ENPP3: variants seen among roughly 807,000 people sequenced by gnomAD.
ENPP3 encodes the protein ectonucleotide pyrophosphatase/phosphodiesterase family member 3.
Under a neutral mutation model 117.8 loss-of-function variants are expected in ENPP3, and 104 were observed. The observed-to-expected ratio is 0.88, with a 90% CI of 0.75 to 1.04. The LOEUF is 1.04. Ranked by LOEUF, ENPP3 falls within the 50% of genes least tolerant of loss-of-function variation. The pLI is 0.00. For synonymous variants in ENPP3, 380 were observed against 349.9 expected, an observed-to-expected ratio of 1.09 and a Z score of -0.96; for missense variants, 1,026 against 1,051.9, an observed-to-expected ratio of 0.98 and a Z score of 0.34.
intron 6 of ENPP3, among the ~76,000 whole-genome samples, chr6:131,662,306 G>A (rs1230525852): frequency 6.6e-6 from 1 of 151,800 alleles, no homozygotes; most frequent in Non-Finnish European, 1.5e-5. Context: ...GTGTGATGGT[G>A]TGATCTCAGC....
intron 20 of ENPP3, among the ~76,000 whole-genome samples, chr6:131,731,814 C>T (rs1780287422): frequency 6.6e-6 from 1 of 152,108 alleles, no homozygotes; most frequent in East Asian, 1.9e-4. Flanking sequence ...CTGAATGTTC[C>T]CTGTCATCTC....
Position 131,743,532 on chromosome 6 carries a change from C to T in ENPP3, c.2457+3152C>T, listed in dbSNP as rs542269021. 7.9e-5 allele frequency among the ~76,000 whole-genome samples: 12 copies of T among 152,092 alleles called. No homozygotes were observed. In the East Asian group the frequency reaches 2.3e-3, roughly 29 times the overall value. On this transcript the variant is annotated intron_variant, in intron 24 of 24. Coordinates refer to ENST00000357639, the MANE Select transcript of ENPP3 (RefSeq NM_005021.5). ...GGAATCATATCTTAGGATGAAGTTA[C>T]ATTCTAAAGTCGACAGAGGCCAGGC...
chr6:131,726,064 T>C lies in ENPP3; in HGVS notation c.1817T>C (p.Val606Ala). The C allele has an allele frequency of 1.2e-6, 2 of 1,611,632 alleles. No homozygotes were observed. The highest frequency in any genetic ancestry group is 8.5e-7 in the Non-Finnish European group (1 of 1,178,390). The change falls in exon 20 of 25, where the codon GTA becomes GCA. Residue 606 changes from valine to alanine, a missense_variant. Transcript: ENST00000357639. Reference protein sequence around the residue: ...TQEEITATVKVNLPFGRPRVL... With the variant: ...TQEEITATVKANLPFGRPRVL... ...ATTTTAGTAACAGCAACAGTGAAAGTAAATTTGCCATTTGGGAGGCCTAGG... is the reference window on the plus strand; with the variant it reads ...ATTTTAGTAACAGCAACAGTGAAAGCAAATTTGCCATTTGGGAGGCCTAGG...
chr6:131,734,467 G>A (rs79330887), intron 21 of ENPP3, among the ~76,000 whole-genome samples: 5,695 of 152,164 alleles, frequency 0.037, 133 homozygotes, highest in Non-Finnish European at 0.057. Flanking sequence ...TGTATAATGG[G>A]CAAAAAGGTT....
At chr6:131,713,643 T>C (rs1779833821) in intron 15 of ENPP3, among the ~76,000 whole-genome samples, 1 of 151,872 alleles carries the variant, frequency 6.6e-6, no homozygotes, top group South Asian at 2.1e-4. Context: ...GTGGTTTATT[T>C]TTATGCTTTG....
intron 6 of ENPP3, among the ~76,000 whole-genome samples, chr6:131,666,867 C>G (rs987175383): frequency 1.3e-5 from 2 of 152,180 alleles, no homozygotes; most frequent in African/African-American, 4.8e-5. Flanking sequence ...TAGGAGAAAC[C>G]CTCGCCAGTT....
intron 5 of ENPP3, among the ~76,000 whole-genome samples, chr6:131,656,919 C>A (rs1778397295): frequency 6.6e-6 from 1 of 152,110 alleles, no homozygotes; most frequent in East Asian, 1.9e-4. Context: ...GGCAAGCTGG[C>A]CATTAAAAAA....
chr6:131,688,185 C>T (rs1779197324), intron 14 of ENPP3, among the ~76,000 whole-genome samples: 1 of 152,158 alleles, frequency 6.6e-6, no homozygotes, highest in Admixed American at 6.5e-5. Flanking sequence ...ATGAATCCTA[C>T]TCATAGAAGA....
chr6:131,732,965 G>T (rs1562480177), intron 20 of ENPP3, among the ~76,000 whole-genome samples: 1 of 151,700 alleles, frequency 6.6e-6, no homozygotes, highest in African/African-American at 2.4e-5. Flanking sequence ...CTGACCTCGT[G>T]ATCTGCCTGC....
intron 6 of ENPP3, among the ~76,000 whole-genome samples, chr6:131,666,595 G>A (rs1049963934): frequency 1.3e-5 from 2 of 151,988 alleles, no homozygotes; most frequent in Admixed American, 1.3e-4. Context: ...AAAGGCCTGA[G>A]TTTGCCTCTC....
chr6:131,644,973 T>A (rs999987255), intron 2 of ENPP3, among the ~76,000 whole-genome samples: 1 of 152,242 alleles, frequency 6.6e-6, no homozygotes, highest in Non-Finnish European at 1.5e-5. Flanking sequence ...ATGGTTGTGA[T>A]GTATCTAAAT....
intron 2 of ENPP3, among the ~76,000 whole-genome samples, chr6:131,646,274 C>CTGTGTGTGTGTGTGTGTGTGTGTG (rs34014584): frequency 1.4e-5 from 2 of 145,506 alleles, no homozygotes; most frequent in African/African-American, 5.1e-5. Context: ...TCTCAATACT[C>CTGTGTGTGTGTGTGTGTGTGTGTG]TGTGTGTGTG....
chr6:131,678,958 T>TTTCTTTCTTTCC (rs780684077), intron 11 of ENPP3, among the ~76,000 whole-genome samples: 1,028 of 82,296 alleles, frequency 0.012, 8 homozygotes, highest in Middle Eastern at 0.021. Flanking sequence ...TCTTTCTTTC[T>TTTCTTTCTTTCC]TTCCTTCCTT....
intron 6 of ENPP3, 152 bp from the exon 7 acceptor site, chr6:131,671,096 C>T: frequency 1.7e-6 from 1 of 596,138 alleles, no homozygotes; most frequent in Non-Finnish European, 3.0e-6. Context: ...ATGGAGGAAG[C>T]TTAGAGACCA....
At chr6:131,690,571 CTTGCT>C (rs1391543639) in intron 14 of ENPP3, among the ~76,000 whole-genome samples, 2 of 152,174 alleles carry the variant, frequency 1.3e-5, no homozygotes, top group African/African-American at 4.8e-5. Flanking sequence ...ATTCATATGA[CTTGCT>C]TTATTGTGGT....
chr6:131,675,860 T>A (rs757265153), intron 9 of ENPP3, among the ~76,000 whole-genome samples: 11 of 151,896 alleles, frequency 7.2e-5, no homozygotes, highest in Non-Finnish European at 1.2e-4. Context: ...AAAATAAAAT[T>A]AAATAAAATA....
chr6:131,668,503 C>T (rs183452428), intron 6 of ENPP3, among the ~76,000 whole-genome samples: 7 of 152,204 alleles, frequency 4.6e-5, no homozygotes, highest in South Asian at 2.1e-4. Flanking sequence ...ACGTGAGCAC[C>T]GTGCCCGGCC....
At chr6:131,690,318 A>G (rs1234577641) in intron 14 of ENPP3, among the ~76,000 whole-genome samples, 1 of 152,184 alleles carries the variant, frequency 6.6e-6, no homozygotes, top group Non-Finnish European at 1.5e-5. Context: ...TCATTTTAAG[A>G]AATTACCACA....
chr6:131,743,406 T>C (rs1780569752), intron 24 of ENPP3, among the ~76,000 whole-genome samples: 1 of 152,142 alleles, frequency 6.6e-6, no homozygotes. Context: ...CTAATAAGTA[T>C]AAAATATTCA....
Sources: allele counts gnomAD v4.1 joint callset (sites outside exome capture counted in the v4.1 genomes callset), GRCh38; gene constraint gnomAD v4.1.1; transcripts MANE v1.5; gene names NCBI Gene and HGNC (gene_info 2026-07-23, HGNC 2026-07-21).